TLK1: variants seen among roughly 807,000 people sequenced by gnomAD.
TLK1 encodes serine/threonine-protein kinase tousled-like 1.
In TLK1, 24 loss-of-function variants were observed where a neutral mutation model predicts 105.3. The ratio of observed to expected loss-of-function variants is 0.23; its 90% CI spans 0.17 to 0.32. The LOEUF (loss-of-function observed/expected upper bound fraction) is 0.32, where lower values mean the gene tolerates loss of function less well. Ranked by LOEUF, TLK1 falls within the 10% of genes least tolerant of loss-of-function variation. The probability of loss-of-function intolerance (pLI) is 1.00; values close to 1 mark genes in which losing one functional copy is unlikely to be tolerated. For synonymous variants in TLK1, 321 were observed against 310.4 expected (o/e 1.03, Z -0.36); for missense variants, 558 against 910.5 (o/e 0.61, Z 4.98).
chr2:171,086,815 G>C lies in TLK1; in HGVS notation c.259-3963C>G, dbSNP rs138233644. 2.0e-3 allele frequency among the ~76,000 whole-genome samples: 307 copies of C among 152,162 alleles called. 2 individuals carry two copies. Among genetic ancestry groups the C allele is most frequent in the African/African-American group, 7.2e-3 (299 of 41,504 alleles). On this transcript the variant is annotated intron_variant, in intron 2 of 20. Coordinates refer to ENST00000431350, the MANE Select transcript of TLK1 (RefSeq NM_012290.5). ...CTGGCTTGAAAAACAAGAGTTTCAA[G>C]CTTCCAAAGAGGCTGCAAAGTAAGG... is the stretch of plus-strand genomic sequence containing the variant.
At chr2:171,013,111 C>G (rs1270042645) in intron 13 of TLK1, among the ~76,000 whole-genome samples, 1 of 151,570 alleles carries the variant, frequency 6.6e-6, no homozygotes, top group Non-Finnish European at 1.5e-5. Context: ...CTCCCGGGTT[C>G]AAGTGATTCT....
chr2:171,011,411 G>A lies in TLK1; in HGVS notation c.1378C>T (p.His460Tyr). Residue 460 changes from histidine (H) to tyrosine (Y), a missense_variant, in exon 14 of 21, where the codon CAT becomes TAT. Coordinates refer to ENST00000431350, the MANE Select transcript of TLK1 (RefSeq NM_012290.5). ...PTLNERYLLL[H>Y]LLGRGGFSEV... ...CTAAAGCCACCTCTACCAAGCAGATGAAGTAATAAATATCTTTCATTTAAT... is the reference window on the plus strand; with the variant it reads ...CTAAAGCCACCTCTACCAAGCAGATAAAGTAATAAATATCTTTCATTTAAT... 1 of 1,613,412 alleles carries A rather than the reference G, an allele frequency of 6.2e-7. No individual in the cohort carries two copies. Among genetic ancestry groups the A allele is most frequent in the East Asian group, 2.2e-5 (1 of 44,852 alleles).
chr2:171,222,858 A>G (rs979883654), intron 1 of TLK1, among the ~76,000 whole-genome samples: 2 of 152,092 alleles, frequency 1.3e-5, no homozygotes, highest in African/African-American at 2.4e-5. Flanking sequence ...TCTGTCGCCC[A>G]GGCTGGAGTA....
In TLK1 at chr2:171,006,955, A is replaced by G. The variant is rs761043459; in HGVS notation, c.1508+17T>C. 6.2e-7 allele frequency: 1 copy of G among 1,604,346 alleles called. No homozygotes were observed. The highest frequency in any genetic ancestry group is 8.5e-7 in the Non-Finnish European group (1 of 1,176,596). ...AAAATATTCAATTTTAAAAAACCAT[A>G]AAGTATTAGTATTTACTTGTGGTAG... On this transcript the variant is annotated intron_variant, in intron 15 of 20. Coordinates refer to ENST00000431350, the MANE Select transcript of TLK1 (RefSeq NM_012290.5).
At chr2:171,137,835 T>A (rs1691393530) in intron 1 of TLK1, among the ~76,000 whole-genome samples, 1 of 148,730 alleles carries the variant, frequency 6.7e-6, no homozygotes, top group South Asian at 2.1e-4. Context: ...GGTGACAGAG[T>A]GAGACTCTGT....
In TLK1 at chr2:171,006,221, C is replaced by G; in HGVS notation, c.1830G>C (p.Leu610=). 1 of 1,611,012 alleles carries G rather than the reference C, an allele frequency of 6.2e-7. No individual in the cohort carries two copies. Among genetic ancestry groups the G allele is most frequent in the Non-Finnish European group, 8.5e-7 (1 of 1,178,894 alleles). The change falls in exon 18 of 21, where the codon CTG becomes CTC. Residue 610 remains leucine, a synonymous_variant. Transcript: ENST00000431350. ...AGCTATCATCATCCATAATCTTGGA[C>G]AGACCAAAATCAGTGATTTTGATTT... ...CGEIKITDFG[L]SKIMDDDSYG...
At chr2:171,219,354 G>A (rs1259245316) in intron 1 of TLK1, among the ~76,000 whole-genome samples, 1 of 152,198 alleles carries the variant, frequency 6.6e-6, no homozygotes, top group African/African-American at 2.4e-5. Context: ...CTTCTCTTCT[G>A]TGTGAATCGA....
At chr2:171,087,500 A>ATACATG (rs1228281574) in intron 2 of TLK1, among the ~76,000 whole-genome samples, 1 of 152,182 alleles carries the variant, frequency 6.6e-6, no homozygotes, top group African/African-American at 2.4e-5. Flanking sequence ...GCAGTCTAAG[A>ATACATG]TACATGTAAC....
At chr2:171,053,646 C>T in intron 8 of TLK1, 115 bp downstream of exon 8, 1 of 747,576 alleles carries the variant, frequency 1.3e-6, no homozygotes, top group East Asian at 2.9e-5. Context: ...CAGGCATGAG[C>T]CACTGCGCCT....
At chr2:171,214,853 A>C (rs1410242521) in intron 1 of TLK1, among the ~76,000 whole-genome samples, 1 of 152,192 alleles carries the variant, frequency 6.6e-6, no homozygotes, top group Non-Finnish European at 1.5e-5. Flanking sequence ...CAGCTAAAGA[A>C]TTCTGTGATG....
At chr2:171,066,490 G>A (rs1687999472) in intron 3 of TLK1, among the ~76,000 whole-genome samples, 1 of 152,106 alleles carries the variant, frequency 6.6e-6, no homozygotes, top group Non-Finnish European at 1.5e-5. Flanking sequence ...AAAGGCTGAA[G>A]GACTCTATTT....
chr2:171,035,017 T>A (rs1418164123), intron 11 of TLK1, among the ~76,000 whole-genome samples: 2 of 151,848 alleles, frequency 1.3e-5, no homozygotes, highest in Non-Finnish European at 2.9e-5. Context: ...TGATAGTGAG[T>A]GAGTCTCACA....
intron 12 of TLK1, among the ~76,000 whole-genome samples, chr2:171,020,349 G>A (rs1685432781): frequency 6.6e-6 from 1 of 151,926 alleles, no homozygotes; most frequent in Admixed American, 6.6e-5. Context: ...AGACCAGCCT[G>A]GCCAACACAG....
intron 11 of TLK1, among the ~76,000 whole-genome samples, chr2:171,030,873 A>T (rs1353517221): frequency 6.6e-6 from 1 of 152,158 alleles, no homozygotes; most frequent in Non-Finnish European, 1.5e-5. Context: ...TCCTACCAAG[A>T]GGTTTGGCTA....
chr2:171,194,129 GT>G (rs1395576031), intron 1 of TLK1, among the ~76,000 whole-genome samples: 1 of 152,180 alleles, frequency 6.6e-6, no homozygotes, highest in African/African-American at 2.4e-5. Context: ...GAAGGGCATA[GT>G]TGGGGCTCGC....
intron 1 of TLK1, among the ~76,000 whole-genome samples, chr2:171,155,352 CTTA>C (rs1692193141): frequency 6.6e-6 from 1 of 152,086 alleles, no homozygotes; most frequent in African/African-American, 2.4e-5. Context: ...ATGTCTTAAG[CTTA>C]TTATATTTCA....
Position 171,011,481 on chromosome 2 carries a change from A to G in TLK1, c.1335-27T>C. On this transcript the variant is annotated intron_variant, in intron 13 of 20. Coordinates refer to ENST00000431350, the MANE Select transcript of TLK1 (RefSeq NM_012290.5). Reference sequence around the variant, plus strand: ...TTAGAGGTGGGGGCAAAAAACAGACATATTAAAACACACACATAAAAATTC... The same window carrying G: ...TTAGAGGTGGGGGCAAAAAACAGACGTATTAAAACACACACATAAAAATTC... 3 of 1,584,638 alleles carry G rather than the reference A, an allele frequency of 1.9e-6. No individual in the cohort carries two copies. The South Asian group carries it at 3.4e-5, about 18-fold the overall frequency.
chr2:171,147,960 G>A (rs1351497321), intron 1 of TLK1, among the ~76,000 whole-genome samples: 2 of 151,306 alleles, frequency 1.3e-5, no homozygotes, highest in Non-Finnish European at 2.9e-5. Flanking sequence ...GTGCAATCTC[G>A]GCTCACTGCA....
intron 1 of TLK1, among the ~76,000 whole-genome samples, chr2:171,176,955 C>T (rs1300243058): frequency 6.6e-6 from 1 of 152,006 alleles, no homozygotes; most frequent in Non-Finnish European, 1.5e-5. Context: ...GCCTCACCCT[C>T]CTGAGTGGCT....
Sources: allele counts gnomAD v4.1 joint callset (sites outside exome capture counted in the v4.1 genomes callset), GRCh38; gene constraint gnomAD v4.1.1; transcripts MANE v1.5; gene names NCBI Gene and HGNC (gene_info 2026-07-23, HGNC 2026-07-21).